PIAS1: variants seen among roughly 807,000 people sequenced by gnomAD.
PIAS1 encodes E3 SUMO-protein ligase PIAS1.
Under a neutral mutation model 71.3 loss-of-function variants are expected in PIAS1, and 6 were observed. The ratio of observed to expected loss-of-function variants is 0.08; its 90% CI spans 0.05 to 0.17. The LOEUF (loss-of-function observed/expected upper bound fraction) is 0.17. Among genes scored for constraint, PIAS1 ranks in the 10% least tolerant of loss-of-function variants. The pLI is 1.00. For missense variants in PIAS1, 555 were observed against 793.6 expected (o/e 0.70, Z 3.61); for synonymous variants, 303 against 292.9 (o/e 1.03, Z -0.35).
chr15:68,168,721 T>C (rs1216500504), intron 8 of PIAS1, among the ~76,000 whole-genome samples: 5 of 152,206 alleles, frequency 3.3e-5, no homozygotes, highest in Non-Finnish European at 5.9e-5. Flanking sequence ...ATAATAGTTA[T>C]TTTATGATTC....
chr15:68,099,559 T>C (rs1410141842), intron 2 of PIAS1, among the ~76,000 whole-genome samples: 1 of 152,086 alleles, frequency 6.6e-6, no homozygotes, highest in Non-Finnish European at 1.5e-5. Context: ...TCATAAATAA[T>C]GTTATCCTGA....
Position 68,118,392 on chromosome 15 carries a change from G to A in PIAS1, c.470-23554G>A, listed in dbSNP as rs557302297. Among the ~76,000 whole-genome samples, 8 of 152,064 alleles carry A rather than the reference G, an allele frequency of 5.3e-5. No individual in the cohort carries two copies. The East Asian group carries it at 1.4e-3, about 26-fold the overall frequency. ...TGCTCTGTCTCCGAGGCTAGAGTGC[G>A]GTGGCACAATCATAGCTCACTGCAG... On this transcript the variant is annotated intron_variant, in intron 2 of 13. Transcript: ENST00000249636.
At chr15:68,146,888 G>T (rs2092811676) in intron 6 of PIAS1, among the ~76,000 whole-genome samples, 188 bp downstream of exon 6, 1 of 151,968 alleles carries the variant, frequency 6.6e-6, no homozygotes, top group Non-Finnish European at 1.5e-5. Context: ...TTTATAACCT[G>T]GCCCTTTTAC....
At chr15:68,078,101 T>A (rs1020077137) in intron 1 of PIAS1, among the ~76,000 whole-genome samples, 1 of 152,256 alleles carries the variant, frequency 6.6e-6, no homozygotes, top group Non-Finnish European at 1.5e-5. Flanking sequence ...TAGGAAAGAA[T>A]AATCATCTTT....
At chr15:68,056,559 A>T (rs1353270471) in intron 1 of PIAS1, among the ~76,000 whole-genome samples, 1 of 151,846 alleles carries the variant, frequency 6.6e-6, no homozygotes, top group African/African-American at 2.4e-5. Flanking sequence ...ATAATTTTTC[A>T]AATTATAATA....
At chr15:68,055,750 T>G in intron 1 of PIAS1, 1 of 527,780 alleles carries the variant, frequency 1.9e-6, no homozygotes, top group Non-Finnish European at 3.3e-6. Context: ...TTATAATAAA[T>G]AAAAATTATT....
chr15:68,164,560 C>G lies in PIAS1; in HGVS notation c.935-171C>G, dbSNP rs554601242. 1.6e-3 allele frequency among the ~76,000 whole-genome samples: 248 copies of G among 152,246 alleles called. 1 individual carries two copies. The highest frequency in any genetic ancestry group is 3.4e-3 in the Middle Eastern group (1 of 294). On this transcript the variant is annotated intron_variant, in intron 7 of 13. Transcript: ENST00000249636. The stretch of plus-strand genomic sequence containing the variant: ...TACAGATAAACAATTGTTTTCCATC[C>G]TTTGCTTATAGAATTAAAAGCCATA...
chr15:68,172,854 G>A (rs762584330), intron 8 of PIAS1, among the ~76,000 whole-genome samples: 3 of 152,220 alleles, frequency 2.0e-5, no homozygotes, highest in Non-Finnish European at 4.4e-5. Flanking sequence ...GTTAGCTGAA[G>A]CAATATTTGC....
chr15:68,132,513 A>C (rs1245423917), intron 2 of PIAS1, among the ~76,000 whole-genome samples: 2 of 152,092 alleles, frequency 1.3e-5, no homozygotes, highest in African/African-American at 2.4e-5. Flanking sequence ...AGGTACATCA[A>C]ATTTTACAGC....
chr15:68,120,885 C>T (rs1379202283), intron 2 of PIAS1, among the ~76,000 whole-genome samples: 1 of 152,166 alleles, frequency 6.6e-6, no homozygotes, highest in Non-Finnish European at 1.5e-5. Flanking sequence ...GAACTCCTGA[C>T]TCGGCCTCGC....
In PIAS1 at chr15:68,086,610, C is replaced by G. The variant is rs1228608315; in HGVS notation, c.329C>G (p.Pro110Arg). 6.2e-7 allele frequency: 1 copy of G among 1,613,838 alleles called. No homozygotes were observed. The highest frequency in any genetic ancestry group is 1.1e-5 in the South Asian group (1 of 91,084). Reference sequence around the variant, plus strand: ...CACCCTGCATCATCGCCATTACTCCCTGTTTCTCTTCTGGGACCTAAACAT... The same window carrying G: ...CACCCTGCATCATCGCCATTACTCCGTGTTTCTCTTCTGGGACCTAAACAT... Reference protein sequence around the residue: ...DGHPASSPLLPVSLLGPKHEL... With the variant: ...DGHPASSPLLRVSLLGPKHEL... The change falls in exon 2 of 14, where the codon CCT becomes CGT. Residue 110 changes from proline to arginine, a missense_variant. This residue lies in a region of PIAS1 where 80 missense variants were observed against 66.9 expected (regional missense o/e 1.20). Coordinates refer to ENST00000249636, the MANE Select transcript of PIAS1 (RefSeq NM_016166.3). The surrounding 1 kb of genome is among the most constrained non-coding windows in gnomAD (Gnocchi z 7.2).
intron 1 of PIAS1, among the ~76,000 whole-genome samples, chr15:68,085,812 G>A (rs1391256118): frequency 1.3e-5 from 2 of 152,212 alleles, no homozygotes; most frequent in African/African-American, 4.8e-5. Flanking sequence ...AGTACAGAAT[G>A]TAAGTAACAC....
chr15:68,164,317 ATTC>A (rs1013822305), intron 7 of PIAS1, among the ~76,000 whole-genome samples: 3 of 152,130 alleles, frequency 2.0e-5, no homozygotes, highest in Admixed American at 6.5e-5. Context: ...TATAAATGTT[ATTC>A]TTATTATTAA....
intron 2 of PIAS1, among the ~76,000 whole-genome samples, chr15:68,093,334 T>G (rs1404652981): frequency 6.6e-6 from 1 of 152,272 alleles, no homozygotes. Flanking sequence ...AGTTTGAGAA[T>G]AAACCTCTGG....
intron 2 of PIAS1, among the ~76,000 whole-genome samples, chr15:68,106,957 G>A (rs900476189): frequency 6.6e-6 from 1 of 152,164 alleles, no homozygotes; most frequent in Non-Finnish European, 1.5e-5. Context: ...TAATTCATGA[G>A]TGTTTAAAAG....
chr15:68,193,151 G>C lies in PIAS1; in HGVS notation c.*5316G>C, dbSNP rs1489142807. ...AGGCAATGACCAGTGTGGGCCACTT[G>C]AGCAGACCATCCCGGAACCTCTCTG... On this transcript the variant is annotated 3_prime_UTR_variant, in exon 14 of 14. Transcript: ENST00000249636. 1 of 152,376 alleles carries C rather than the reference G, an allele frequency of 6.6e-6. No homozygotes were observed. The highest frequency in any genetic ancestry group is 1.5e-5 in the Non-Finnish European group (1 of 68,166). 9.4% of individuals were successfully genotyped at this position (152,376 alleles called of 1,614,324 possible). A position where few individuals can be genotyped will look rare whatever the true frequency, so the allele number is the denominator to read the frequency against.
chr15:68,113,305 T>G (rs531446339), intron 2 of PIAS1, among the ~76,000 whole-genome samples: 1 of 152,190 alleles, frequency 6.6e-6, no homozygotes, highest in Non-Finnish European at 1.5e-5. Flanking sequence ...TTTTAGATGT[T>G]CTTTTAAAAC....
intron 2 of PIAS1, among the ~76,000 whole-genome samples, chr15:68,097,235 G>A (rs998549766): frequency 6.6e-6 from 1 of 151,976 alleles, no homozygotes; most frequent in Non-Finnish European, 1.5e-5. Flanking sequence ...TGCATTCCAG[G>A]AATAAACCCC....
chr15:68,085,959 A>G lies in PIAS1; in HGVS notation c.25-347A>G, dbSNP rs546360770. Among the ~76,000 whole-genome samples, 786 of 152,314 alleles carry G rather than the reference A, an allele frequency of 5.2e-3. 6 individuals carry two copies. Among genetic ancestry groups the G allele is most frequent in the African/African-American group, 0.018 (755 of 41,566 alleles). On this transcript the variant is annotated intron_variant, in intron 1 of 13. Transcript: ENST00000249636. ...CATCATTACGTTTTGCCATCTACAT[A>G]GCACTCGACATTCTCCTGGAGACTC...
Sources: gnomAD v4.1 joint callset for allele counts (sites outside exome capture counted in the v4.1 genomes callset) on GRCh38, gnomAD v4.1.1 for gene constraint, gnomAD v4.1.1 regional missense constraint, Gnocchi (gnomAD v3.1) non-coding constraint, MANE v1.5 for transcripts, NCBI Gene and HGNC (gene_info 2026-07-23, HGNC 2026-07-21) for gene names.